Variants in CELF4 observed in about 807,000 individuals in gnomAD.
The protein encoded by CELF4 is CUGBP Elav-like family member 4.
Under a neutral mutation model 59.9 loss-of-function variants are expected in CELF4, and 18 were observed. That is an observed-to-expected ratio of 0.30 (90% CI 0.21 to 0.45). The LOEUF (loss-of-function observed/expected upper bound fraction) is 0.45. Ranked by LOEUF, CELF4 falls within the 20% of genes least tolerant of loss-of-function variation. The pLI, the probability that CELF4 is intolerant of heterozygous loss-of-function variation, is 1.00. For missense variants in CELF4, 456 were observed against 689.0 expected (o/e 0.66, Z 3.79); for synonymous variants, 261 against 267.1 (o/e 0.98, Z 0.22).
Position 37,489,274 on chromosome 18 carries a change from C to T in CELF4, c.287-3667G>A, listed in dbSNP as rs770572730. ...GATAAGCAGTTATTAACGCTGACTC[C>T]GGGGTTCAAAAGAAGGGACCAGTCT... On this transcript the variant is annotated intron_variant, in intron 1 of 12. Coordinates refer to ENST00000420428, the MANE Select transcript of CELF4 (RefSeq NM_020180.4). 5.3e-5 allele frequency among the ~76,000 whole-genome samples: 8 copies of T among 152,230 alleles called. No individual in the cohort carries two copies. The East Asian group carries it at 5.8e-4, about 11-fold the overall frequency.
At chr18:37,510,563 C>A (rs1408237084) in intron 1 of CELF4, among the ~76,000 whole-genome samples, 3 of 152,226 alleles carry the variant, frequency 2.0e-5, no homozygotes, top group African/African-American at 7.2e-5. Context: ...TCTGAAGCCC[C>A]ATCATGAGCT....
chr18:37,349,195 C>T (rs572313605), intron 2 of CELF4, among the ~76,000 whole-genome samples: 4 of 152,328 alleles, frequency 2.6e-5, no homozygotes, highest in East Asian at 1.9e-4. Context: ...CAGGCGGTTT[C>T]GGCAGTTCCC....
In CELF4 at chr18:37,267,893, TG is replaced by T. The variant is rs566139448; in HGVS notation, c.1100-1296del. Among the ~76,000 whole-genome samples the T allele has an allele frequency of 2.4e-3, 365 of 152,076 alleles. 2 individuals are homozygous for T. The highest frequency in any genetic ancestry group is 8.4e-3 in the African/African-American group (349 of 41,484). On this transcript the variant is annotated intron_variant, in intron 8 of 12. Transcript: ENST00000420428. ...TCTACTAAAAATACAAAAAAATTAGTGGGCATGGTGGTGGGCACCTGTAATC... is the reference window on the plus strand; with the variant it reads ...TCTACTAAAAATACAAAAAAATTAGTGGCATGGTGGTGGGCACCTGTAATC...
intron 2 of CELF4, among the ~76,000 whole-genome samples, chr18:37,475,612 G>T (rs1471720045): frequency 6.6e-6 from 1 of 152,170 alleles, no homozygotes; most frequent in Non-Finnish European, 1.5e-5. Flanking sequence ...TCCTTTCTAG[G>T]GAGCGGGGAA....
intron 8 of CELF4, among the ~76,000 whole-genome samples, chr18:37,268,517 G>A (rs538544849): frequency 5.9e-5 from 9 of 152,338 alleles, no homozygotes; most frequent in Non-Finnish European, 1.2e-4. Context: ...TAACCTGCAC[G>A]ATTTGCATGG....
intron 1 of CELF4, among the ~76,000 whole-genome samples, chr18:37,562,978 T>C (rs1441449204): frequency 6.6e-6 from 1 of 152,160 alleles, no homozygotes; most frequent in African/African-American, 2.4e-5. Flanking sequence ...TGCCACTGAC[T>C]GAGACAGTTT....
At chr18:37,292,865 G>T (rs1311763377) in intron 3 of CELF4, among the ~76,000 whole-genome samples, 1 of 152,212 alleles carries the variant, frequency 6.6e-6, no homozygotes, top group Non-Finnish European at 1.5e-5. Flanking sequence ...AAAATACACT[G>T]CTGGTATTTT....
intron 3 of CELF4, among the ~76,000 whole-genome samples, chr18:37,277,604 T>C (rs1381918370): frequency 3.3e-5 from 5 of 151,990 alleles, no homozygotes; most frequent in Admixed American, 3.3e-4. Context: ...AGAAGAGGGC[T>C]GGGGGGAAAG....
At chr18:37,266,968 C>T (rs1378586901) in intron 8 of CELF4, among the ~76,000 whole-genome samples, 1 of 147,286 alleles carries the variant, frequency 6.8e-6, no homozygotes, top group African/African-American at 2.5e-5. Context: ...CCCAGCCCTG[C>T]AGAAGGGCTG....
intron 2 of CELF4, among the ~76,000 whole-genome samples, chr18:37,325,829 T>C (rs1161561715): frequency 6.6e-6 from 1 of 152,250 alleles, no homozygotes; most frequent in Non-Finnish European, 1.5e-5. Context: ...CCATGTGCCA[T>C]TATAATCTGA....
In CELF4 at chr18:37,274,439, G is replaced by C; in HGVS notation, c.673C>G (p.Leu225Val). ...SQTMPGASSS[L>V]VVKFADTDKE... ...TCGGTGTCGGCGAACTTGACCACCAGACTGGACGAGGCTCCCTGCGGCCGG... is the reference window on the plus strand; with the variant it reads ...TCGGTGTCGGCGAACTTGACCACCACACTGGACGAGGCTCCCTGCGGCCGG... The change falls in exon 6 of 13, where the codon CTG (leucine) becomes GTG (valine). Residue 225 changes from leucine (L) to valine (V), a missense_variant. Physicochemically the swap from Leu to Val is conservative, Grantham distance 32 (BLOSUM62 1). Coordinates refer to ENST00000420428, the MANE Select transcript of CELF4 (RefSeq NM_020180.4). The C allele has an allele frequency of 6.2e-7, 1 of 1,613,200 alleles. No homozygotes were observed. The highest frequency in any genetic ancestry group is 8.5e-7 in the Non-Finnish European group (1 of 1,179,898).
intron 8 of CELF4, 149 bp from the exon 9 acceptor site, chr18:37,266,747 A>G (rs1410146245): frequency 4.2e-6 from 3 of 708,596 alleles, no homozygotes; most frequent in Non-Finnish European, 7.0e-6. Flanking sequence ...AGAAACCCTG[A>G]GTGCCTGGAC....
intron 2 of CELF4, among the ~76,000 whole-genome samples, chr18:37,434,991 T>C (rs1471655393): frequency 6.6e-6 from 1 of 151,830 alleles, no homozygotes; most frequent in Non-Finnish European, 1.5e-5. Flanking sequence ...GGGAGAAAAA[T>C]GGCAAGTCCA....
At chr18:37,297,157 G>A (rs1342618245) in intron 3 of CELF4, among the ~76,000 whole-genome samples, 1 of 152,132 alleles carries the variant, frequency 6.6e-6, no homozygotes, top group African/African-American at 2.4e-5. Context: ...ATGGGTATAA[G>A]GTTTCTTTCC....
intron 12 of CELF4, among the ~76,000 whole-genome samples, chr18:37,247,854 C>T (rs1353871975): frequency 2.6e-5 from 4 of 152,134 alleles, no homozygotes; most frequent in African/African-American, 7.2e-5. Context: ...AGGGAGCAGG[C>T]GCTCTGCTTT....
intron 2 of CELF4, among the ~76,000 whole-genome samples, chr18:37,358,066 T>C (rs1378953155): frequency 1.3e-5 from 2 of 152,110 alleles, no homozygotes; most frequent in East Asian, 3.9e-4. Context: ...GTTAAGACTT[T>C]GGGGGACTGT....
chr18:37,261,128 C>G (rs1386289385), intron 10 of CELF4, among the ~76,000 whole-genome samples: 1 of 152,178 alleles, frequency 6.6e-6, no homozygotes, highest in African/African-American at 2.4e-5. Flanking sequence ...ACACTTCATC[C>G]TCTGGGGTGG....
intron 2 of CELF4, among the ~76,000 whole-genome samples, chr18:37,449,779 C>T (rs1373175999): frequency 6.6e-6 from 1 of 152,180 alleles, no homozygotes; most frequent in Non-Finnish European, 1.5e-5. Context: ...CAGAGCTTTC[C>T]AGGCATAGGC....
intron 10 of CELF4, among the ~76,000 whole-genome samples, chr18:37,259,609 T>C (rs974422694): frequency 6.6e-6 from 1 of 152,106 alleles, no homozygotes; most frequent in Non-Finnish European, 1.5e-5. Context: ...GTGCTGAAGA[T>C]AGGGAAGGCC....
Sources: allele counts gnomAD v4.1 joint callset (sites outside exome capture counted in the v4.1 genomes callset), GRCh38; gene constraint gnomAD v4.1.1; transcripts MANE v1.5; gene names NCBI Gene and HGNC (gene_info 2026-07-23, HGNC 2026-07-21).